CGNL1: variants seen among roughly 807,000 people sequenced by gnomAD.
CGNL1 encodes cingulin like 1.
A neutral mutation model predicts 141.2 loss-of-function variants in CGNL1; 132 were observed. The observed-to-expected ratio is 0.93, with a 90% CI of 0.81 to 1.08. The LOEUF is 1.08. Among genes scored for constraint, CGNL1 ranks in the 50% least tolerant of loss-of-function variants. The pLI is 0.00. For synonymous variants in CGNL1, 690 were observed against 622.1 expected (o/e 1.11, Z -1.63); for missense variants, 1,870 against 1,588.6 (o/e 1.18, Z -3.01).
At chr15:57,511,157 C>T (rs1286150084) in intron 8 of CGNL1, among the ~76,000 whole-genome samples, 3 of 152,234 alleles carry the variant, frequency 2.0e-5, no homozygotes, top group African/African-American at 7.2e-5. Context: ...AAACTTCCTT[C>T]TGCTGTTTTC....
intron 8 of CGNL1, among the ~76,000 whole-genome samples, chr15:57,501,414 G>A (rs2064022564): frequency 6.6e-6 from 1 of 152,212 alleles, no homozygotes; most frequent in Non-Finnish European, 1.5e-5. Context: ...GGCATAGACT[G>A]AGCACTCAGA....
chr15:57,519,781 A>G (rs564412201), intron 10 of CGNL1, among the ~76,000 whole-genome samples: 216 of 152,266 alleles, frequency 1.4e-3, no homozygotes, highest in African/African-American at 4.9e-3. Flanking sequence ...GAAAGGAAAC[A>G]TATTTGTACT....
chr15:57,491,274 C>A (rs1281812742), intron 8 of CGNL1, among the ~76,000 whole-genome samples: 1 of 152,112 alleles, frequency 6.6e-6, no homozygotes, highest in Non-Finnish European at 1.5e-5. Flanking sequence ...TAAAGCTTTT[C>A]TATAGATAAT....
At chr15:57,421,771 G>A (rs116759137) in intron 1 of CGNL1, among the ~76,000 whole-genome samples, 223 of 152,162 alleles carry the variant, frequency 1.5e-3, no homozygotes, top group African/African-American at 5.1e-3. Flanking sequence ...GTCAGGCGTC[G>A]TGTGCTCCTG....
intron 1 of CGNL1, among the ~76,000 whole-genome samples, chr15:57,392,290 A>C (rs2062552552): frequency 6.6e-6 from 1 of 152,160 alleles, no homozygotes; most frequent in Non-Finnish European, 1.5e-5. Flanking sequence ...CTGAGACATG[A>C]TGTGATAGGA....
chr15:57,520,856 G>A (rs1235821686), intron 10 of CGNL1, among the ~76,000 whole-genome samples: 7 of 152,104 alleles, frequency 4.6e-5, no homozygotes, highest in Admixed American at 3.9e-4. Flanking sequence ...TTCTGGTTAA[G>A]CTGCCCATTC....
At chr15:57,391,978 C>G (rs552849685) in intron 1 of CGNL1, among the ~76,000 whole-genome samples, 62 of 151,426 alleles carry the variant, frequency 4.1e-4, no homozygotes, top group African/African-American at 1.4e-3. Flanking sequence ...TTCTTTCCCC[C>G]CCCTCACCTG....
intron 1 of CGNL1, chr15:57,377,181 G>A (rs139662675): frequency 1.3e-5 from 2 of 152,292 alleles, no homozygotes; most frequent in African/African-American, 4.8e-5. Flanking sequence ...TGGCTGTCAT[G>A]TTGGAGTTAG....
At chr15:57,533,954 G>T (rs138496347) in intron 14 of CGNL1, among the ~76,000 whole-genome samples, 81 of 152,308 alleles carry the variant, frequency 5.3e-4, no homozygotes, top group African/African-American at 1.9e-3. Flanking sequence ...CCCAGTCCTG[G>T]CTCCTGCATT....
intron 8 of CGNL1, among the ~76,000 whole-genome samples, chr15:57,467,870 A>C (rs2152341177): frequency 6.6e-6 from 1 of 152,078 alleles, no homozygotes; most frequent in African/African-American, 2.4e-5. Context: ...TTACGTTTTT[A>C]GTAGAGATGG....
intron 12 of CGNL1, among the ~76,000 whole-genome samples, chr15:57,528,269 CAAAAA>C (rs60913934): frequency 6.6e-6 from 1 of 150,400 alleles, no homozygotes; most frequent in Non-Finnish European, 1.5e-5. Context: ...AAAAAAAAGA[CAAAAA>C]AAAACTATAT....
chr15:57,475,248 C>T (rs1219334492), intron 8 of CGNL1, among the ~76,000 whole-genome samples: 1 of 152,202 alleles, frequency 6.6e-6, no homozygotes, highest in Non-Finnish European at 1.5e-5. Flanking sequence ...CACCTGGCTC[C>T]CACCTGCCTT....
intron 4 of CGNL1, among the ~76,000 whole-genome samples, chr15:57,443,732 T>C (rs1358025019): frequency 6.6e-6 from 1 of 152,198 alleles, no homozygotes. Flanking sequence ...TCTACATAGT[T>C]CTTAAAGTCA....
At chr15:57,403,603 G>A (rs1013944916) in intron 1 of CGNL1, among the ~76,000 whole-genome samples, 1 of 152,218 alleles carries the variant, frequency 6.6e-6, no homozygotes, top group Non-Finnish European at 1.5e-5. Flanking sequence ...GTGGGGAAAA[G>A]TAAATTCCAT....
chr15:57,517,990 T>G (rs532452000), intron 9 of CGNL1, among the ~76,000 whole-genome samples: 1 of 59,058 alleles, frequency 1.7e-5, no homozygotes, highest in East Asian at 5.7e-4. Context: ...GGCCAGATAT[T>G]TCTATTAAAA....
At chr15:57,463,979 A>C (rs924730591) in intron 8 of CGNL1, among the ~76,000 whole-genome samples, 6 of 151,864 alleles carry the variant, frequency 4.0e-5, no homozygotes, top group Non-Finnish European at 8.8e-5. Flanking sequence ...CCATTCTTCT[A>C]CTGTAGTTTG....
chr15:57,495,651 TATG>T (rs1356298647), intron 8 of CGNL1, among the ~76,000 whole-genome samples: 3 of 152,126 alleles, frequency 2.0e-5, no homozygotes, highest in Non-Finnish European at 4.4e-5. Flanking sequence ...AAGCTCTACA[TATG>T]AGAGCACTGA....
rs145261869 is a variant in CGNL1, at chr15:57,508,802, G to A, written c.2404-7978G>A. 1.3e-4 allele frequency among the ~76,000 whole-genome samples: 20 copies of A among 152,360 alleles called. No individual in the cohort carries two copies. In the East Asian group the frequency reaches 3.9e-3, roughly 29 times the overall value. On this transcript the variant is annotated intron_variant, in intron 8 of 18. Transcript: ENST00000281282. ...CCTGCATCATTGGCATCACCTGGGA[G>A]CTTGTTAGAAATGCAGAGTCCTGGG...
At chr15:57,480,083 G>A (rs565589567) in intron 8 of CGNL1, among the ~76,000 whole-genome samples, 1 of 152,234 alleles carries the variant, frequency 6.6e-6, no homozygotes, top group South Asian at 2.1e-4. Context: ...GCAGTATGTG[G>A]TTACTAAATA....
Sources: gnomAD v4.1 joint callset for allele counts (sites outside exome capture counted in the v4.1 genomes callset) on GRCh38, gnomAD v4.1.1 for gene constraint, MANE v1.5 for transcripts, NCBI Gene and HGNC (gene_info 2026-07-23, HGNC 2026-07-21) for gene names.